DHX37: variants seen among roughly 807,000 people sequenced by gnomAD.
The protein encoded by DHX37 is DEAH-box helicase 37, also known as probable ATP-dependent RNA helicase DHX37.
Under a neutral mutation model 134.3 loss-of-function variants are expected in DHX37, and 52 were observed. That is an observed-to-expected ratio of 0.39 (90% CI 0.31 to 0.49). DHX37 has a LOEUF of 0.49. Ranked by LOEUF, DHX37 falls within the 20% of genes least tolerant of loss-of-function variation. The pLI is 0.93. For missense variants in DHX37, 1,344 were observed against 1,580.8 expected (o/e 0.85, Z 2.54); for synonymous variants, 634 against 670.7 (o/e 0.95, Z 0.85).
At chr12:124,957,805 TGA>T (rs1555274736) in intron 16 of DHX37, among the ~76,000 whole-genome samples, 2 of 151,886 alleles carry the variant, frequency 1.3e-5, no homozygotes, top group Admixed American at 1.3e-4. Flanking sequence ...AATAATAACG[TGA>T]ATAAATTTAT....
At chr12:124,978,484 A>C (rs1194573075) in intron 4 of DHX37, among the ~76,000 whole-genome samples, 2 of 150,236 alleles carry the variant, frequency 1.3e-5, no homozygotes, top group African/African-American at 4.9e-5. Context: ...TGCCTGGCTA[A>C]TTTTTGTATT....
chr12:124,954,066 T>C lies in DHX37; in HGVS notation c.2578+21A>G, dbSNP rs557192637. On this transcript the variant is annotated intron_variant, in intron 19 of 26. Coordinates refer to ENST00000308736, the MANE Select transcript of DHX37 (RefSeq NM_032656.4). The stretch of plus-strand genomic sequence containing the variant: ...GACCTGGGTGACCCTCCCGCCACCC[T>C]CCAACGGGCAGGGCACAAACCCAGC... The C allele has an allele frequency of 1.0e-4, 167 of 1,606,690 alleles. No homozygotes were observed. In the South Asian group the frequency reaches 1.7e-3, roughly 16 times the overall value.
rs1029018449 is a variant in DHX37 at position 124,947,716 on chromosome 12, C to G, written c.*86G>C. ...CTGAGAGCAGGCCACGAAGCCCATG[C>G]CAGGTGGTCACGGTCGCACGGTGAC... On this transcript the variant is annotated 3_prime_UTR_variant, in exon 27 of 27. Coordinates refer to ENST00000308736, the MANE Select transcript of DHX37 (RefSeq NM_032656.4). 33 of 1,465,506 alleles carry G rather than the reference C, an allele frequency of 2.3e-5. 1 individual carries two copies. In the African/African-American group the frequency reaches 2.8e-4, roughly 12 times the overall value. The allele number at this position is 1,465,506 out of a possible 1,614,324, so 90.8% of individuals were successfully genotyped here.
intron 9 of DHX37, 91 bp downstream of exon 9, chr12:124,968,776 C>A: frequency 1.3e-6 from 2 of 1,597,142 alleles, no homozygotes; most frequent in South Asian, 1.1e-5. Flanking sequence ...TCAATCCCCC[C>A]TGTGACCAAG....
chr12:124,978,970 C>T (rs1375597417), intron 4 of DHX37, among the ~76,000 whole-genome samples: 3 of 151,822 alleles, frequency 2.0e-5, no homozygotes, highest in African/African-American at 7.2e-5. Context: ...CAATTCATGA[C>T]CCAAAGATGG....
chr12:124,969,044 G>T, intron 8 of DHX37, 76 bp from the exon 9 acceptor site: 1 of 1,408,462 alleles, frequency 7.1e-7, no homozygotes. Context: ...CGGCATGGGG[G>T]TGCCCTGCTG....
chr12:124,970,343 G>T (rs1390000594), intron 8 of DHX37, among the ~76,000 whole-genome samples: 1 of 152,178 alleles, frequency 6.6e-6, no homozygotes, highest in African/African-American at 2.4e-5. Flanking sequence ...CTCTGTGAAC[G>T]GACTAAAAAC....
chr12:124,983,418 TACACACACAC>T (rs141343765), intron 2 of DHX37, among the ~76,000 whole-genome samples: 2 of 148,220 alleles, frequency 1.3e-5, no homozygotes, highest in Non-Finnish European at 3.0e-5. Context: ...ATGTGTGTAT[TACACACACAC>T]ACACACACAC....
At chr12:124,948,908 C>G (rs1953921310) in intron 25 of DHX37, among the ~76,000 whole-genome samples, 1 of 152,130 alleles carries the variant, frequency 6.6e-6, no homozygotes, top group African/African-American at 2.4e-5. Flanking sequence ...CCACCTCCTC[C>G]CATCCACCCT....
chr12:124,983,762 G>A lies in DHX37; in HGVS notation c.277-1139C>T, dbSNP rs1403850037. 7.5e-5 allele frequency among the ~76,000 whole-genome samples: 11 copies of A among 146,968 alleles called. 2 individuals carry two copies. In the Middle Eastern group the frequency reaches 0.025, roughly 334 times the overall value. On this transcript the variant is annotated intron_variant, in intron 2 of 26. Transcript: ENST00000308736. ...ATCATACCACTGCACTCCAGCCTGG[G>A]CAACAGAGCAAGACCTTGTCTCCAA...
Position 124,977,413 on chromosome 12 carries a change from G to A in DHX37, c.816C>T (p.Ile272=), listed in dbSNP as rs149069975. 239 of 1,611,376 alleles carry A rather than the reference G, an allele frequency of 1.5e-4. 1 individual carries two copies. Among genetic ancestry groups the A allele is most frequent in the African/African-American group, 4.3e-4 (32 of 74,912 alleles). The part of the protein sequence containing the change: ...MEAVAEHPIV[I]VCGETGSGKT... ...TCCCGCTGCCGGTCTCACCACACAC[G>A]ATGACGATGGGGTGCTCGGCCACAG... The change falls in exon 5 of 27, where the codon ATC becomes ATT. Residue 272 remains isoleucine, a synonymous_variant. Transcript: ENST00000308736.
At position 124,972,532 on chromosome 12, in the gene DHX37, C is replaced by A; in HGVS notation, c.1048G>T (p.Asp350Tyr). ...TEETRIKFMT[D>Y]GVLLKEIQKD... ...TGGATTTCTTTAAGCAGCACACCAT[C>A]CGTCATGAACTTGATTCTGGTCTCC... Residue 350 changes from aspartate to tyrosine, a missense_variant, in exon 7 of 27, where the codon GAT becomes TAT. Transcript: ENST00000308736. The A allele has an allele frequency of 6.2e-7, 1 of 1,614,226 alleles. No individual in the cohort carries two copies. The highest frequency in any genetic ancestry group is 8.5e-7 in the Non-Finnish European group (1 of 1,180,038).
chr12:124,965,350 C>T (rs940927246), intron 13 of DHX37, among the ~76,000 whole-genome samples: 5 of 152,228 alleles, frequency 3.3e-5, no homozygotes, highest in Admixed American at 3.3e-4. Flanking sequence ...GTACTCTCTG[C>T]TGCCCCACTC....
At chr12:124,968,040 ACTGCACTC>A (rs2135949933) in intron 10 of DHX37, among the ~76,000 whole-genome samples, 1 of 151,624 alleles carries the variant, frequency 6.6e-6, no homozygotes, top group South Asian at 2.1e-4. Context: ...AAGATCTGCC[ACTGCACTC>A]CAGCCTGGGC....
chr12:124,971,164 G>A (rs1954514366), intron 8 of DHX37, 138 bp downstream of exon 8: 1 of 1,377,152 alleles, frequency 7.3e-7, no homozygotes, highest in Non-Finnish European at 9.7e-7. Context: ...TAGGCCCAGG[G>A]AGACCTTGTG....
At chr12:124,977,183 G>C (rs534132444) in intron 5 of DHX37, among the ~76,000 whole-genome samples, 159 bp downstream of exon 5, 1 of 152,336 alleles carries the variant, frequency 6.6e-6, no homozygotes, top group Admixed American at 6.5e-5. Flanking sequence ...CCATCTCACA[G>C]CTGGGGCCCA....
chr12:124,981,736 G>C (rs1217991562), intron 3 of DHX37, among the ~76,000 whole-genome samples: 1 of 151,848 alleles, frequency 6.6e-6, no homozygotes, highest in Non-Finnish European at 1.5e-5. Context: ...CACCCTTCTG[G>C]CTTGGTTGTT....
At chr12:124,950,592 C>T in intron 22 of DHX37, 42 bp from the exon 23 acceptor site, 1 of 1,549,746 alleles carries the variant, frequency 6.5e-7, no homozygotes, top group Non-Finnish European at 8.7e-7. Context: ...GCGGCACCCT[C>T]CGTGGGAGGG....
chr12:124,972,025 C>T (rs1296752142), intron 7 of DHX37, among the ~76,000 whole-genome samples: 2 of 152,236 alleles, frequency 1.3e-5, no homozygotes, highest in Non-Finnish European at 2.9e-5. Context: ...AGCGGCCCCT[C>T]CCCTTTCCCT....
Sources: allele counts gnomAD v4.1 joint callset (sites outside exome capture counted in the v4.1 genomes callset), GRCh38; gene constraint gnomAD v4.1.1; transcripts MANE v1.5; gene names NCBI Gene and HGNC (gene_info 2026-07-23, HGNC 2026-07-21).